Variants in NTM observed in about 807,000 individuals in gnomAD.
The protein encoded by NTM is neurotrimin.
Under a neutral mutation model 42.1 loss-of-function variants are expected in NTM, and 13 were observed. That is an observed-to-expected ratio of 0.31 (90% CI 0.20 to 0.49). The LOEUF is 0.49. Ranked by LOEUF, NTM falls within the 20% of genes least tolerant of loss-of-function variation. NTM has a pLI of 0.99. For synonymous variants in NTM, 187 were observed against 179.2 expected (o/e 1.04, Z -0.35); for missense variants, 373 against 452.8 (o/e 0.82, Z 1.60).
chr11:132,080,011 G>T (rs1424309246), intron 2 of NTM, among the ~76,000 whole-genome samples: 1 of 152,140 alleles, frequency 6.6e-6, no homozygotes, highest in Non-Finnish European at 1.5e-5. Flanking sequence ...ATATGGATTT[G>T]GTGGAGAAAA....
At chr11:131,751,636 A>G (rs545903373) in intron 1 of NTM, among the ~76,000 whole-genome samples, 1 of 151,212 alleles carries the variant, frequency 6.6e-6, no homozygotes, top group Non-Finnish European at 1.5e-5. Flanking sequence ...GGCATGTGCC[A>G]GTAGTCCTAG....
At chr11:131,431,802 CTGGG>C (rs1330485321) in intron 1 of NTM, among the ~76,000 whole-genome samples, 1 of 152,148 alleles carries the variant, frequency 6.6e-6, no homozygotes, top group African/African-American at 2.4e-5. Context: ...GTCACAGCCA[CTGGG>C]TGAGGGTCTC....
At chr11:131,915,370 T>C (rs552774069) in intron 2 of NTM, among the ~76,000 whole-genome samples, 1 of 152,334 alleles carries the variant, frequency 6.6e-6, no homozygotes, top group African/African-American at 2.4e-5. Flanking sequence ...CTGTCTTCTT[T>C]CTTCCCTTGG....
At chr11:131,685,433 T>C (rs1251387877) in intron 1 of NTM, among the ~76,000 whole-genome samples, 1 of 151,934 alleles carries the variant, frequency 6.6e-6, no homozygotes, top group Non-Finnish European at 1.5e-5. Context: ...TCATGGCAGT[T>C]TGTCTCTGAT....
At chr11:131,590,957 T>C (rs1393437576) in intron 1 of NTM, among the ~76,000 whole-genome samples, 1 of 152,144 alleles carries the variant, frequency 6.6e-6, no homozygotes, top group Non-Finnish European at 1.5e-5. Flanking sequence ...TGAGGTGGGC[T>C]GGAGACAGGA....
At chr11:131,497,135 CCTGT>C (rs1217003936) in intron 1 of NTM, among the ~76,000 whole-genome samples, 2 of 152,158 alleles carry the variant, frequency 1.3e-5, no homozygotes, top group Admixed American at 6.5e-5. Context: ...CCATCTCCTG[CCTGT>C]CTATCCGTGC....
At chr11:132,196,148 ATT>A (rs1369273088) in intron 3 of NTM, among the ~76,000 whole-genome samples, 1 of 152,212 alleles carries the variant, frequency 6.6e-6, no homozygotes, top group Admixed American at 6.5e-5. Flanking sequence ...ATGAGCAGAT[ATT>A]TCTCAAAACA....
chr11:132,033,431 G>C (rs1232209886), intron 2 of NTM, among the ~76,000 whole-genome samples: 1 of 152,220 alleles, frequency 6.6e-6, no homozygotes. Flanking sequence ...CCAATGCAAA[G>C]TAGAAAGCTT....
intron 1 of NTM, among the ~76,000 whole-genome samples, chr11:131,616,369 G>A (rs1393586532): frequency 6.6e-6 from 1 of 152,154 alleles, no homozygotes; most frequent in South Asian, 2.1e-4. Context: ...CTGGAGAGTG[G>A]GAAATGACCG....
chr11:131,562,543 C>T (rs1022646535), intron 1 of NTM, among the ~76,000 whole-genome samples: 2 of 152,010 alleles, frequency 1.3e-5, no homozygotes, highest in Admixed American at 6.5e-5. Flanking sequence ...CCCAAGGAGG[C>T]CCGGCAGAGA....
chr11:132,165,468 G>A (rs544382634), intron 3 of NTM, among the ~76,000 whole-genome samples: 1 of 152,262 alleles, frequency 6.6e-6, no homozygotes, highest in African/African-American at 2.4e-5. Context: ...CCTCCACTGT[G>A]CATCCTGTGT....
intron 1 of NTM, among the ~76,000 whole-genome samples, chr11:131,449,356 C>T (rs1008332574): frequency 3.3e-5 from 5 of 152,116 alleles, no homozygotes; most frequent in Admixed American, 1.3e-4. Flanking sequence ...GCTTACATTC[C>T]GAATTTCTAG....
intron 2 of NTM, among the ~76,000 whole-genome samples, chr11:132,006,340 TG>T (rs1439501197): frequency 5.3e-5 from 8 of 152,150 alleles, no homozygotes; most frequent in African/African-American, 1.9e-4. Context: ...CCCTTCCTTC[TG>T]TGTGAAAAAG....
intron 1 of NTM, among the ~76,000 whole-genome samples, chr11:131,421,908 T>C (rs548968091): frequency 1.9e-4 from 29 of 152,338 alleles, no homozygotes; most frequent in Non-Finnish European, 7.3e-5. Flanking sequence ...AAATGCATTT[T>C]ACTTCCATAA....
intron 1 of NTM, among the ~76,000 whole-genome samples, chr11:131,463,945 G>A (rs79899214): frequency 0.039 from 6,001 of 152,314 alleles, 392 homozygotes; most frequent in African/African-American, 0.14. Flanking sequence ...GAATGTGTGA[G>A]AAACGGGACT....
intron 1 of NTM, among the ~76,000 whole-genome samples, chr11:131,448,175 C>G (rs1950208233): frequency 1.3e-5 from 2 of 152,312 alleles, no homozygotes; most frequent in Admixed American, 6.5e-5. Context: ...GGAAGGAGCT[C>G]AACAGACTGT....
intron 6 of NTM, among the ~76,000 whole-genome samples, chr11:132,310,511 T>C (rs1471494655): frequency 6.6e-6 from 1 of 152,182 alleles, no homozygotes; most frequent in Non-Finnish European, 1.5e-5. Flanking sequence ...ACCAGGAGCA[T>C]TGTAAGGCCT....
intron 1 of NTM, among the ~76,000 whole-genome samples, chr11:131,882,691 TTC>T: frequency 6.6e-6 from 1 of 151,528 alleles, no homozygotes; most frequent in Non-Finnish European, 1.5e-5. Flanking sequence ...CAATTCACAA[TTC>T]CGGTGAGGAA....
intron 1 of NTM, among the ~76,000 whole-genome samples, chr11:131,724,449 T>A (rs1480779143): frequency 1.3e-5 from 2 of 152,128 alleles, no homozygotes; most frequent in Non-Finnish European, 2.9e-5. Context: ...CAGCCTCAAG[T>A]CATGTACACA....
Sources: gnomAD v4.1 joint callset for allele counts (sites outside exome capture counted in the v4.1 genomes callset) on GRCh38, gnomAD v4.1.1 for gene constraint, MANE v1.5 for transcripts, NCBI Gene and HGNC (gene_info 2026-07-23, HGNC 2026-07-21) for gene names.